The following PPP6R3 variants were observed in gnomAD, a reference collection of about 807,000 sequenced individuals.
PPP6R3 encodes protein phosphatase 6 regulatory subunit 3.
PPP6R3 carries 38 observed loss-of-function variants against 110.7 expected under a neutral mutation model. The observed-to-expected ratio is 0.34, with a 90% CI of 0.26 to 0.45. The LOEUF (loss-of-function observed/expected upper bound fraction) is 0.45. Ranked by LOEUF, PPP6R3 falls within the 20% of genes least tolerant of loss-of-function variation. PPP6R3 has a pLI of 1.00. For missense variants in PPP6R3, 870 were observed against 1,062.4 expected, an observed-to-expected ratio of 0.82 and a Z score of 2.52; for synonymous variants, 369 against 373.5, an observed-to-expected ratio of 0.99 and a Z score of 0.14.
intron 3 of PPP6R3, among the ~76,000 whole-genome samples, chr11:68,543,077 T>A (rs557432271): frequency 6.6e-6 from 1 of 152,338 alleles, no homozygotes; most frequent in African/African-American, 2.4e-5. Flanking sequence ...AAACACTTAT[T>A]TACTTTATGC....
chr11:68,567,353 G>T (rs545378682), intron 10 of PPP6R3, among the ~76,000 whole-genome samples, 187 bp downstream of exon 10: 33 of 152,238 alleles, frequency 2.2e-4, no homozygotes, highest in African/African-American at 7.7e-4. Flanking sequence ...TGTTCACTAG[G>T]CATCTACTGT....
intron 2 of PPP6R3, chr11:68,535,282 T>A (rs1481474726): frequency 6.6e-6 from 1 of 152,214 alleles, no homozygotes; most frequent in African/African-American, 2.4e-5. Flanking sequence ...GTGGCTGCTG[T>A]CAGTGCGAGG....
intron 1 of PPP6R3, among the ~76,000 whole-genome samples, chr11:68,480,451 A>C (rs1565307291): frequency 6.6e-6 from 1 of 152,220 alleles, no homozygotes; most frequent in Non-Finnish European, 1.5e-5. Context: ...AATATTCTGC[A>C]CCTTGGCGGA....
chr11:68,546,479 C>T (rs1041999656), intron 4 of PPP6R3, among the ~76,000 whole-genome samples: 8 of 152,184 alleles, frequency 5.3e-5, no homozygotes, highest in Non-Finnish European at 1.2e-4. Flanking sequence ...AAGAGCCCTT[C>T]GGCCTTTTGC....
chr11:68,502,017 G>A lies in PPP6R3; in HGVS notation c.-157-17484G>A, dbSNP rs1013144693. Among the ~76,000 whole-genome samples the A allele has an allele frequency of 3.3e-5, 5 of 152,212 alleles. No individual in the cohort carries two copies. The East Asian group carries it at 5.8e-4, about 18-fold the overall frequency. On this transcript the variant is annotated intron_variant, in intron 1 of 23. Coordinates refer to ENST00000393800, the MANE Select transcript of PPP6R3 (RefSeq NM_001164161.2). ...GCTGTATGTTGTTTTGCTTAAAGTC[G>A]CAGTTTGAAAAAACGTGTTGACACT...
intron 14 of PPP6R3, among the ~76,000 whole-genome samples, chr11:68,580,984 G>A (rs2099552129): frequency 6.6e-6 from 1 of 152,004 alleles, no homozygotes; most frequent in Non-Finnish European, 1.5e-5. Context: ...TGTTAGCCAG[G>A]ATGGTCTCGA....
chr11:68,478,647 G>GCTTTTTTTTT (rs1555023462), intron 1 of PPP6R3, among the ~76,000 whole-genome samples: 1 of 50,506 alleles, frequency 2.0e-5, no homozygotes, highest in Non-Finnish European at 3.1e-5. Flanking sequence ...CACTTGGTAA[G>GCTTTTTTTTT]TTTTTTTTTT....
At chr11:68,477,117 G>T (rs1183333797) in intron 1 of PPP6R3, among the ~76,000 whole-genome samples, 1 of 152,018 alleles carries the variant, frequency 6.6e-6, no homozygotes, top group Non-Finnish European at 1.5e-5. Flanking sequence ...AGTTTGTGCA[G>T]ATTTTCATCA....
intron 1 of PPP6R3, among the ~76,000 whole-genome samples, chr11:68,496,926 A>G (rs1307141362): frequency 7.4e-5 from 10 of 135,882 alleles, no homozygotes; most frequent in Admixed American, 1.7e-4. Flanking sequence ...CAGTGGTGCA[A>G]TCTCGGCTCA....
At chr11:68,590,865 C>A in intron 17 of PPP6R3, 151 bp downstream of exon 17, 2 of 945,838 alleles carry the variant, frequency 2.1e-6, no homozygotes, top group Non-Finnish European at 2.8e-6. Flanking sequence ...CACGGCCTAC[C>A]TGGCACCCGT....
Position 68,541,974 on chromosome 11 carries a change from C to G in PPP6R3, c.228-2864C>G, listed in dbSNP as rs553129688. Among the ~76,000 whole-genome samples the G allele has an allele frequency of 2.4e-3, 366 of 152,116 alleles. 3 individuals carry two copies. Among genetic ancestry groups the G allele is most frequent in the African/African-American group, 8.4e-3 (349 of 41,472 alleles). On this transcript the variant is annotated intron_variant, in intron 3 of 23. Coordinates refer to ENST00000393800, the MANE Select transcript of PPP6R3 (RefSeq NM_001164161.2). ...CAGAGACAACTCTTTGAAGTGATTT[C>G]TTGTAACAGGAGCAGAGAGGAAGTG...
intron 22 of PPP6R3, among the ~76,000 whole-genome samples, chr11:68,607,711 T>A (rs1940981276): frequency 6.6e-6 from 1 of 152,324 alleles, no homozygotes; most frequent in African/African-American, 2.4e-5. Context: ...CATCTGTCTG[T>A]CATCTATCTA....
In PPP6R3 at chr11:68,482,275, G is replaced by T. The variant is rs192706778; in HGVS notation, c.-158+21448G>T. 5.3e-5 allele frequency among the ~76,000 whole-genome samples: 8 copies of T among 150,534 alleles called. No homozygotes were observed. The East Asian group carries it at 1.6e-3, about 29-fold the overall frequency. On this transcript the variant is annotated intron_variant, in intron 1 of 23. Coordinates refer to ENST00000393800, the MANE Select transcript of PPP6R3 (RefSeq NM_001164161.2). ...CCTGAAAAACAAAAATTAGCTGAAC[G>T]TGGTGGCGGGCGCCTGTAATCCCAG...
chr11:68,583,098 C>T lies in PPP6R3; in HGVS notation c.1601C>T (p.Thr534Met), dbSNP rs777342171. The change falls in exon 15 of 24, where the codon ACG (threonine) becomes ATG (methionine). Residue 534 changes from threonine (T) to methionine (M), a missense_variant. Physicochemically the swap from Thr to Met is moderately conservative, Grantham distance 81. Coordinates refer to ENST00000393800, the MANE Select transcript of PPP6R3 (RefSeq NM_001164161.2). ...SSDDEIDFKE[T>M]GFSQDSSLQQ... ...GATGATGAAATTGACTTTAAAGAAACGGGTTTCTCACAGGATTCTTCTTTG... is the reference window on the plus strand; with the variant it reads ...GATGATGAAATTGACTTTAAAGAAATGGGTTTCTCACAGGATTCTTCTTTG... The T allele has an allele frequency of 4.5e-6, 7 of 1,547,770 alleles. No individual in the cohort carries two copies. The highest frequency in any genetic ancestry group is 5.2e-6 in the Non-Finnish European group (6 of 1,144,466).
rs73504499 is a variant in PPP6R3, at chr11:68,577,249, T to C, written c.1545+1206T>C. 4.5e-3 allele frequency among the ~76,000 whole-genome samples: 679 copies of C among 152,302 alleles called. 6 individuals carry two copies. The highest frequency in any genetic ancestry group is 0.016 in the African/African-American group (665 of 41,560). On this transcript the variant is annotated intron_variant, in intron 14 of 23. Coordinates refer to ENST00000393800, the MANE Select transcript of PPP6R3 (RefSeq NM_001164161.2). ...CATTTTTAATGAATATTTTACCCAT[T>C]GTAGATAGATACTCGGACTATCGTT...
chr11:68,506,304 C>G (rs1463375740), intron 1 of PPP6R3, among the ~76,000 whole-genome samples: 1 of 148,722 alleles, frequency 6.7e-6, no homozygotes, highest in Non-Finnish European at 1.5e-5. Flanking sequence ...CGGGGTCTTG[C>G]TATTTTGCAC....
intron 1 of PPP6R3, among the ~76,000 whole-genome samples, chr11:68,472,878 G>A (rs965255143): frequency 6.6e-6 from 1 of 152,036 alleles, no homozygotes; most frequent in African/African-American, 2.4e-5. Flanking sequence ...AACTTAGCAT[G>A]TTTTCAAGTT....
At chr11:68,481,845 CT>C (rs1159562520) in intron 1 of PPP6R3, among the ~76,000 whole-genome samples, 1 of 152,066 alleles carries the variant, frequency 6.6e-6, no homozygotes, top group Non-Finnish European at 1.5e-5. Flanking sequence ...GCGCTTGGTT[CT>C]TTATATGTGT....
At chr11:68,526,172 G>T (rs962738095) in intron 2 of PPP6R3, among the ~76,000 whole-genome samples, 26 of 152,196 alleles carry the variant, frequency 1.7e-4, no homozygotes, top group African/African-American at 5.5e-4. Context: ...CCCAGTTTCA[G>T]AAATTCCAAG....
Sources: gnomAD v4.1 joint callset for allele counts (sites outside exome capture counted in the v4.1 genomes callset) on GRCh38, gnomAD v4.1.1 for gene constraint, MANE v1.5 for transcripts, NCBI Gene and HGNC (gene_info 2026-07-23, HGNC 2026-07-21) for gene names.